Variants in KHDC4 observed in about 807,000 individuals in gnomAD.
KHDC4 encodes KH homology domain-containing protein 4.
In KHDC4, 19 loss-of-function variants were observed where a neutral mutation model predicts 74.5. The ratio of observed to expected loss-of-function variants is 0.26; its 90% CI spans 0.18 to 0.37. KHDC4 has a LOEUF of 0.37. KHDC4 is among the 10% of genes least tolerant of loss of function. The probability of loss-of-function intolerance (pLI) is 1.00; values close to 1 mark genes in which losing one functional copy is unlikely to be tolerated. For missense variants in KHDC4, 632 were observed against 754.1 expected (o/e 0.84, Z 1.90); for synonymous variants, 253 against 266.1 (o/e 0.95, Z 0.48).
In KHDC4 at chr1:155,933,842, T is replaced by G; in HGVS notation, c.46A>C (p.Ser16Arg). ...ATHPGAGGRR[S>R]KWDQPAPAPL... ...GCTGGAGCTGGTTGGTCCCATTTGC[T>G]GCGGCGCCTACATGGAGAAAAAGGA... The change falls in exon 2 of 14, where the codon AGC (serine) becomes CGC (arginine). Residue 16 changes from serine to arginine, a missense_variant. Physicochemically the swap from Ser to Arg is moderately radical, Grantham distance 110. Around this residue, in one of 4 missense-constraint regions of KHDC4, gnomAD observed 104 missense variants for 78.1 expected, o/e 1.33. Transcript: ENST00000368321. 1.3e-6 allele frequency: 2 copies of G among 1,547,132 alleles called. No individual in the cohort carries two copies. The highest frequency in any genetic ancestry group is 1.7e-6 in the Non-Finnish European group (2 of 1,143,588).
chr1:155,928,190 A>G (rs1401016944), intron 4 of KHDC4, among the ~76,000 whole-genome samples: 5 of 152,100 alleles, frequency 3.3e-5, no homozygotes, highest in Middle Eastern at 3.2e-3. Context: ...CCTGTCCAAC[A>G]TCGTGAAACC....
chr1:155,932,671 A>G (rs754862706), intron 2 of KHDC4: 7 of 152,208 alleles, frequency 4.6e-5, no homozygotes, highest in Non-Finnish European at 8.8e-5. Flanking sequence ...CAATCTTTGC[A>G]AACAATAGGC....
chr1:155,932,993 G>A (rs1431320096), intron 2 of KHDC4, among the ~76,000 whole-genome samples: 4 of 152,066 alleles, frequency 2.6e-5, no homozygotes, highest in African/African-American at 7.2e-5. Flanking sequence ...ATGACACTAT[G>A]GGGCTCACTT....
intron 2 of KHDC4, among the ~76,000 whole-genome samples, chr1:155,931,630 G>A (rs1674144368): frequency 6.6e-6 from 1 of 152,102 alleles, no homozygotes; most frequent in South Asian, 2.1e-4. Context: ...TCACCATGTT[G>A]CCCAGGCTGT....
chr1:155,916,900 G>C lies in KHDC4; in HGVS notation c.1441-163C>G, dbSNP rs183865130. On this transcript the variant is annotated intron_variant, in intron 11 of 13. Coordinates refer to ENST00000368321, the MANE Select transcript of KHDC4 (RefSeq NM_014949.4). Reference sequence around the variant, plus strand: ...TGCTGTGTAACTGTAGTCAAAAGTAGGGATTTTTTTTTTTCTCTATAGGAC... The same window carrying C: ...TGCTGTGTAACTGTAGTCAAAAGTACGGATTTTTTTTTTTCTCTATAGGAC... 13 of 543,696 alleles carry C rather than the reference G, an allele frequency of 2.4e-5. 1 individual carries two copies. In the Admixed American group the frequency reaches 4.7e-4, roughly 19 times the overall value. 33.7% of individuals were successfully genotyped at this position (543,696 alleles called of 1,614,324 possible). A position where few individuals can be genotyped will look rare whatever the true frequency, so the allele number is the denominator to read the frequency against.
intron 6 of KHDC4, chr1:155,926,471 A>G (rs561164488): frequency 1.8e-6 from 1 of 555,684 alleles, no homozygotes; most frequent in East Asian, 3.3e-5. Context: ...CTGGGGTTAC[A>G]GGTGCCTGCC....
At chr1:155,917,076 G>A (rs1365547351) in intron 11 of KHDC4, 1 of 241,216 alleles carries the variant, frequency 4.1e-6, no homozygotes, top group African/African-American at 2.3e-5. Context: ...AAAATGGAAA[G>A]GTACTTCTGA....
chr1:155,921,327 G>GT, intron 10 of KHDC4, 48 bp downstream of exon 10: 1 of 1,595,334 alleles, frequency 6.3e-7, no homozygotes, highest in Non-Finnish European at 8.6e-7. Flanking sequence ...TCTTTCCCCA[G>GT]TTTTTCCTAA....
intron 12 of KHDC4, 126 bp downstream of exon 12, chr1:155,916,499 A>G: frequency 1.5e-6 from 1 of 686,770 alleles, no homozygotes; most frequent in Non-Finnish European, 2.5e-6. Context: ...AACAAACAGA[A>G]GCATATTTGA....
intron 9 of KHDC4, 56 bp downstream of exon 9, chr1:155,921,805 G>T: frequency 6.9e-7 from 1 of 1,452,386 alleles, no homozygotes; most frequent in Non-Finnish European, 9.6e-7. Context: ...AAGTATCATA[G>T]TTACACATAA....
At position 155,927,875 on chromosome 1, in the gene KHDC4, A is replaced by ACAC. The variant is rs1557970782; in HGVS notation, c.465-720_465-719insGTG. Reference sequence around the variant, plus strand: ...ACACACACACACACACACACACACAAAATTAATGGGGAAAGATTGATCATG... The same window carrying ACAC: ...ACACACACACACACACACACACACAACACAATTAATGGGGAAAGATTGATCATG... On this transcript the variant is annotated intron_variant, in intron 4 of 13. Transcript: ENST00000368321. Among the ~76,000 whole-genome samples, 73 of 71,682 alleles carry ACAC rather than the reference A, an allele frequency of 1.0e-3. 1 individual carries two copies. The highest frequency in any genetic ancestry group is 3.3e-3 in the African/African-American group (64 of 19,190). 47.0% of individuals were successfully genotyped at this position (71,682 alleles called of 152,430 possible). A position where few individuals can be genotyped will look rare whatever the true frequency, so the allele number is the denominator to read the frequency against.
chr1:155,923,519 A>C, intron 8 of KHDC4, 108 bp downstream of exon 8: 1 of 797,172 alleles, frequency 1.3e-6, no homozygotes, highest in South Asian at 1.5e-5. Context: ...CAACTGCCAT[A>C]ACTTGTTATA....
At chr1:155,925,327 G>A (rs1045390350) in intron 7 of KHDC4, among the ~76,000 whole-genome samples, 9 of 151,418 alleles carry the variant, frequency 5.9e-5, no homozygotes, top group South Asian at 2.1e-4. Context: ...CACCGTGCCC[G>A]CCTAATTTTT....
intron 2 of KHDC4, among the ~76,000 whole-genome samples, chr1:155,930,335 A>C (rs1674115071): frequency 6.6e-6 from 1 of 152,232 alleles, no homozygotes; most frequent in Admixed American, 6.5e-5. Flanking sequence ...ATTAACAAGC[A>C]AACAAAAATC....
intron 2 of KHDC4, chr1:155,932,164 A>C (rs1407011529): frequency 6.6e-6 from 1 of 152,198 alleles, no homozygotes; most frequent in African/African-American, 2.4e-5. Flanking sequence ...TCTGCTGCTC[A>C]GGCTGGAGTG....
At chr1:155,928,593 C>CAAAAAAAAAAAAAAAA (rs10555758) in intron 4 of KHDC4, among the ~76,000 whole-genome samples, 1 of 89,332 alleles carries the variant, frequency 1.1e-5, no homozygotes, top group African/African-American at 4.3e-5. Flanking sequence ...ATCATAAAGA[C>CAAAAAAAAAAAAAAAA]AAAAAAAAAA....
At position 155,916,634 on chromosome 1, in the gene KHDC4, T is replaced by A. The variant is rs369066374; in HGVS notation, c.1544A>T (p.Glu515Val). The change falls in exon 12 of 14, where the codon GAG becomes GTG. Residue 515 changes from glutamate (E) to valine (V), a missense_variant. By Grantham distance (121) the Glu-to-Val change is moderately radical. Coordinates refer to ENST00000368321, the MANE Select transcript of KHDC4 (RefSeq NM_014949.4). Reference sequence around the variant, plus strand: ...AATTATTCCAACTTACCTGTCCCTCTCTCTCTCTTTGCCTGAGGAACTTGC... The same window carrying A: ...AATTATTCCAACTTACCTGTCCCTCACTCTCTCTTTGCCTGAGGAACTTGC... ...KPASSSGKER[E>V]RDRQLMPPPA... 34 of 1,608,012 alleles carry A rather than the reference T, an allele frequency of 2.1e-5. No individual in the cohort carries two copies. Among genetic ancestry groups the A allele is most frequent in the Non-Finnish European group, 2.9e-5 (34 of 1,175,560 alleles).
chr1:155,931,005 C>T (rs537006068), intron 2 of KHDC4, among the ~76,000 whole-genome samples: 2 of 151,514 alleles, frequency 1.3e-5, no homozygotes, highest in Admixed American at 6.6e-5. Flanking sequence ...GAGCAAAACT[C>T]TGTCTCAAAA....
In KHDC4 at chr1:155,913,526, AAC is replaced by A. The variant is rs1260026510; in HGVS notation, c.*593_*594del. ...CAGCTTTGGATCACCCCAATTAAAA[AAC>A]ACAATGAAAAAATAATTTCATTTTC... is the stretch of plus-strand genomic sequence containing the variant. On this transcript the variant is annotated 3_prime_UTR_variant, in exon 14 of 14. Coordinates refer to ENST00000368321, the MANE Select transcript of KHDC4 (RefSeq NM_014949.4). 3 of 152,526 alleles carry A rather than the reference AAC, an allele frequency of 2.0e-5. No individual in the cohort carries two copies. The highest frequency in any genetic ancestry group is 6.5e-5 in the Admixed American group (1 of 15,286). The allele number at this position is 152,526 out of a possible 1,614,324, so 9.4% of individuals were successfully genotyped here.
Sources: allele counts gnomAD v4.1 joint callset (sites outside exome capture counted in the v4.1 genomes callset), GRCh38; gene constraint gnomAD v4.1.1; regional missense constraint gnomAD v4.1.1; transcripts MANE v1.5; gene names NCBI Gene and HGNC (gene_info 2026-07-23, HGNC 2026-07-21).